FHIT: variants seen among roughly 807,000 people sequenced by gnomAD.
FHIT encodes the protein bis(5'-adenosyl)-triphosphatase.
Under a neutral mutation model 17.9 loss-of-function variants are expected in FHIT, and 19 were observed. The observed-to-expected ratio is 1.06, with a 90% CI of 0.74 to 1.56. The LOEUF is 1.56. Among genes scored for constraint, FHIT ranks in the 40% most tolerant of loss-of-function variants. The probability of loss-of-function intolerance (pLI) is 0.00; values close to 1 mark genes in which losing one functional copy is unlikely to be tolerated. For missense variants in FHIT, 248 were observed against 189.2 expected, an observed-to-expected ratio of 1.31 and a Z score of -1.82; for synonymous variants, 81 against 69.7, an observed-to-expected ratio of 1.16 and a Z score of -0.81.
At chr3:60,376,068 A>G (rs1036845392) in intron 5 of FHIT, among the ~76,000 whole-genome samples, 2 of 152,294 alleles carry the variant, frequency 1.3e-5, no homozygotes, top group East Asian at 3.9e-4. Context: ...CTTCTATTTC[A>G]TTCATATTCT....
intron 5 of FHIT, among the ~76,000 whole-genome samples, chr3:60,212,645 TAAG>T (rs921899964): frequency 2.0e-5 from 3 of 152,008 alleles, no homozygotes; most frequent in African/African-American, 7.2e-5. Flanking sequence ...ATTAGTAAGA[TAAG>T]AAAAAATCTA....
Position 60,107,838 on chromosome 3 carries a change from A to G in FHIT, c.104-93686T>C, listed in dbSNP as rs116927883. 5.5e-4 allele frequency among the ~76,000 whole-genome samples: 84 copies of G among 152,354 alleles called. No homozygotes were observed. In the East Asian group the frequency reaches 0.015, roughly 27 times the overall value. On this transcript the variant is annotated intron_variant, in intron 5 of 9. Coordinates refer to ENST00000492590, the MANE Select transcript of FHIT (RefSeq NM_002012.4). ...AGAATATTAAAAACAGGCAGCAGAT[A>G]TGCAGATATTTTATCAATACAACCT...
chr3:60,283,913 C>T (rs1707589594), intron 5 of FHIT, among the ~76,000 whole-genome samples: 1 of 152,028 alleles, frequency 6.6e-6, no homozygotes, highest in Non-Finnish European at 1.5e-5. Flanking sequence ...CTAGTGATTA[C>T]CTTTATTAGA....
intron 5 of FHIT, among the ~76,000 whole-genome samples, chr3:60,352,007 G>A (rs927794457): frequency 4.6e-5 from 7 of 152,078 alleles, no homozygotes; most frequent in African/African-American, 9.7e-5. Context: ...GCCCTGTATC[G>A]TAATTAGCTC....
rs1559780527 is a variant in FHIT at position 60,860,834 on chromosome 3, T to TTC, written c.-110-38824_-110-38823insGA. On this transcript the variant is annotated intron_variant, in intron 3 of 9. Coordinates refer to ENST00000492590, the MANE Select transcript of FHIT (RefSeq NM_002012.4). The stretch of plus-strand genomic sequence containing the variant: ...ATATCAGGTATATATGATACATATG[T>TTC]ACATATATCAGGTATATATGAACAT... Among the ~76,000 whole-genome samples the TTC allele has an allele frequency of 6.4e-4, 2 of 3,140 alleles. 1 individual carries two copies. The highest frequency in any genetic ancestry group is 0.045 in the Non-Finnish European group (2 of 44). 2.1% of individuals were successfully genotyped at this position (3,140 alleles called of 152,430 possible). A position where few individuals can be genotyped will look rare whatever the true frequency, so the allele number is the denominator to read the frequency against.
intron 4 of FHIT, among the ~76,000 whole-genome samples, chr3:60,783,403 C>G (rs12632616): frequency 2.0e-5 from 3 of 152,130 alleles, no homozygotes; most frequent in Non-Finnish European, 4.4e-5. Flanking sequence ...GCCTTACATG[C>G]TACAGATGCC....
intron 1 of FHIT, among the ~76,000 whole-genome samples, chr3:61,238,604 T>C (rs2040289887): frequency 6.6e-6 from 1 of 152,314 alleles, no homozygotes; most frequent in African/African-American, 2.4e-5. Flanking sequence ...ATTCTGCCAA[T>C]TGCACTGTCT....
intron 8 of FHIT, among the ~76,000 whole-genome samples, chr3:59,767,443 G>A (rs368669223): frequency 5.9e-5 from 9 of 152,114 alleles, no homozygotes; most frequent in African/African-American, 1.7e-4. Flanking sequence ...ATGTTGCAGT[G>A]AGCCGAGATT....
chr3:60,632,409 C>G (rs2039469135), intron 4 of FHIT, among the ~76,000 whole-genome samples: 1 of 152,108 alleles, frequency 6.6e-6, no homozygotes, highest in Non-Finnish European at 1.5e-5. Flanking sequence ...TGGCCCGTTA[C>G]CAAGGGGCTC....
chr3:59,751,443 C>G (rs1700893710), intron 9 of FHIT: 1 of 201,328 alleles, frequency 5.0e-6, no homozygotes, highest in East Asian at 7.7e-5. Flanking sequence ...AAACATCACC[C>G]TCAGTCATTC....
intron 4 of FHIT, among the ~76,000 whole-genome samples, chr3:60,722,262 C>G (rs993883010): frequency 3.9e-5 from 6 of 152,214 alleles, no homozygotes; most frequent in Non-Finnish European, 7.3e-5. Context: ...CTTCTTCATT[C>G]TGCTTACAGC....
At chr3:60,588,216 G>C (rs2037968094) in intron 4 of FHIT, among the ~76,000 whole-genome samples, 1 of 152,080 alleles carries the variant, frequency 6.6e-6, no homozygotes, top group South Asian at 2.1e-4. Context: ...CAGCCCTTAA[G>C]GCAGCTGAAC....
At chr3:61,221,133 G>T (rs1250555465) in intron 1 of FHIT, among the ~76,000 whole-genome samples, 9 of 152,150 alleles carry the variant, frequency 5.9e-5, no homozygotes, top group African/African-American at 2.2e-4. Context: ...CTGGGTTGGT[G>T]CCCAGGCAAT....
chr3:61,107,934 AG>A (rs2036038936), intron 2 of FHIT, among the ~76,000 whole-genome samples: 1 of 152,202 alleles, frequency 6.6e-6, no homozygotes, highest in Non-Finnish European at 1.5e-5. Context: ...GATTGGCACA[AG>A]GGTAGGCTAT....
rs113023213 is a variant in FHIT at position 59,953,476 on chromosome 3, G to A, written c.280-31062C>T. On this transcript the variant is annotated intron_variant, in intron 7 of 9. Transcript: ENST00000492590. ...ATGATTCCCGGCCAGGTATGCCAGCGCTGCCCTCTTCTGCATTGCCACGCA... is the reference window on the plus strand; with the variant it reads ...ATGATTCCCGGCCAGGTATGCCAGCACTGCCCTCTTCTGCATTGCCACGCA... Among the ~76,000 whole-genome samples, 1,486 of 152,176 alleles carry A rather than the reference G, an allele frequency of 9.8e-3. 30 individuals carry two copies. Among genetic ancestry groups the A allele is most frequent in the African/African-American group, 0.033 (1,379 of 41,516 alleles).
At chr3:61,136,206 C>A (rs1468746719) in intron 2 of FHIT, among the ~76,000 whole-genome samples, 3 of 151,998 alleles carry the variant, frequency 2.0e-5, no homozygotes. Context: ...ATGCCACCAC[C>A]ACCACCGTCA....
At chr3:60,696,334 C>A (rs1032579286) in intron 4 of FHIT, among the ~76,000 whole-genome samples, 1 of 152,132 alleles carries the variant, frequency 6.6e-6, no homozygotes, top group African/African-American at 2.4e-5. Context: ...TTTAAAGACA[C>A]GACTTCCCAT....
At chr3:61,205,447 A>C (rs535204954) in intron 1 of FHIT, among the ~76,000 whole-genome samples, 4 of 152,270 alleles carry the variant, frequency 2.6e-5, no homozygotes, top group African/African-American at 7.2e-5. Context: ...AACAGGGTAA[A>C]AGTGTTCCTA....
At chr3:59,782,288 G>T (rs1702626998) in intron 8 of FHIT, among the ~76,000 whole-genome samples, 1 of 151,908 alleles carries the variant, frequency 6.6e-6, no homozygotes, top group Non-Finnish European at 1.5e-5. Flanking sequence ...TTTTTCCCTT[G>T]AATTTTGGAT....
Sources: allele counts gnomAD v4.1 joint callset (sites outside exome capture counted in the v4.1 genomes callset), GRCh38; gene constraint gnomAD v4.1.1; transcripts MANE v1.5; gene names NCBI Gene and HGNC (gene_info 2026-07-23, HGNC 2026-07-21).